Variants in IMPG1 observed in about 807,000 individuals in gnomAD.
IMPG1 encodes interphotoreceptor matrix proteoglycan 1.
IMPG1 carries 85 observed loss-of-function variants against 92.0 expected under a neutral mutation model. The ratio of observed to expected loss-of-function variants is 0.92; its 90% CI spans 0.78 to 1.11. IMPG1 has a LOEUF of 1.11. Among genes scored for constraint, IMPG1 ranks in the 50% least tolerant of loss-of-function variants. IMPG1 has a pLI of 0.00. For synonymous variants in IMPG1, 367 were observed against 334.1 expected (o/e 1.10, Z -1.08); for missense variants, 1,022 against 956.0 (o/e 1.07, Z -0.91).
Position 75,925,721 on chromosome 6 carries a change from A to T in IMPG1, c.2244-2015T>A, listed in dbSNP as rs944643110. ...CGCTCTGTCACCCAGGCTGGAGTGC[A>T]GTGGCATGATCTTGGCTCACTGCAA... On this transcript the variant is annotated intron_variant, in intron 15 of 16. Coordinates refer to ENST00000369950, the MANE Select transcript of IMPG1 (RefSeq NM_001563.4). Among the ~76,000 whole-genome samples, 5 of 152,088 alleles carry T rather than the reference A, an allele frequency of 3.3e-5. No homozygotes were observed. In the South Asian group the frequency reaches 1.0e-3, roughly 31 times the overall value.
intron 1 of IMPG1, among the ~76,000 whole-genome samples, chr6:76,049,630 C>T (rs1002660580): frequency 5.3e-5 from 8 of 152,208 alleles, no homozygotes; most frequent in Admixed American, 1.3e-4. Context: ...CTCCACTGAT[C>T]GCTTCTGTGA....
chr6:76,003,129 G>A, intron 11 of IMPG1, 133 bp from the exon 12 acceptor site: 1 of 664,980 alleles, frequency 1.5e-6, no homozygotes, highest in Non-Finnish European at 2.8e-6. Flanking sequence ...AATCTACTAT[G>A]GAGGAAGGTT....
chr6:76,029,595 C>T (rs1223529512), intron 4 of IMPG1, among the ~76,000 whole-genome samples: 1 of 152,158 alleles, frequency 6.6e-6, no homozygotes, highest in East Asian at 1.9e-4. Flanking sequence ...CAATCTCTGG[C>T]TGCAGCTCAG....
At chr6:75,938,188 C>T (rs1444943274) in intron 14 of IMPG1, among the ~76,000 whole-genome samples, 2 of 152,200 alleles carry the variant, frequency 1.3e-5, no homozygotes, top group African/African-American at 4.8e-5. Flanking sequence ...TACATGCCTG[C>T]ACCTCTGCAG....
chr6:76,070,641 GA>G (rs1173023004), intron 1 of IMPG1, among the ~76,000 whole-genome samples: 1 of 152,158 alleles, frequency 6.6e-6, no homozygotes, highest in Non-Finnish European at 1.5e-5. Context: ...CCAAAAAAAT[GA>G]ATGAAATAAT....
intron 1 of IMPG1, among the ~76,000 whole-genome samples, chr6:76,057,523 G>T (rs1281358857): frequency 6.6e-6 from 1 of 152,132 alleles, no homozygotes; most frequent in Non-Finnish European, 1.5e-5. Flanking sequence ...AAGCACCCCG[G>T]CTAGACAGCC....
intron 1 of IMPG1, among the ~76,000 whole-genome samples, chr6:76,068,140 C>T (rs1464563890): frequency 6.6e-6 from 1 of 152,144 alleles, no homozygotes; most frequent in Non-Finnish European, 1.5e-5. Context: ...GACAAGGATG[C>T]CCACTTTAAC....
chr6:76,007,594 G>A, intron 8 of IMPG1, 94 bp from the exon 9 acceptor site: 4 of 811,436 alleles, frequency 4.9e-6, no homozygotes, highest in Non-Finnish European at 7.6e-6. Flanking sequence ...ATATACAAAA[G>A]AAAAAAATAT....
chr6:75,977,075 T>A (rs1170656869), intron 12 of IMPG1, among the ~76,000 whole-genome samples: 1 of 152,100 alleles, frequency 6.6e-6, no homozygotes, highest in Non-Finnish European at 1.5e-5. Flanking sequence ...TTTAAAAAAA[T>A]TTCTTTGTAT....
intron 12 of IMPG1, among the ~76,000 whole-genome samples, chr6:75,966,370 A>G (rs1782307659): frequency 6.6e-6 from 1 of 152,224 alleles, no homozygotes; most frequent in African/African-American, 2.4e-5. Context: ...TTTAGAGATG[A>G]TTAGGCCATG....
intron 8 of IMPG1, among the ~76,000 whole-genome samples, chr6:76,008,156 A>T (rs1334916418): frequency 6.6e-6 from 1 of 152,230 alleles, no homozygotes; most frequent in Non-Finnish European, 1.5e-5. Flanking sequence ...CCAGCTTCAC[A>T]GAAAAGGGAA....
intron 12 of IMPG1, among the ~76,000 whole-genome samples, chr6:75,974,391 C>CTT (rs1185602629): frequency 3.7e-5 from 2 of 54,778 alleles, no homozygotes; most frequent in African/African-American, 6.6e-5. Flanking sequence ...TTCTTTCTTT[C>CTT]TTTTCTTTCT....
intron 12 of IMPG1, among the ~76,000 whole-genome samples, chr6:75,985,295 T>C (rs1289144181): frequency 6.6e-6 from 1 of 152,190 alleles, no homozygotes; most frequent in African/African-American, 2.4e-5. Flanking sequence ...GACTTTAAAA[T>C]GCTGCCCCTG....
intron 15 of IMPG1, among the ~76,000 whole-genome samples, chr6:75,924,568 T>TATATAATTAATATAATTATATATA (rs1562334762): frequency 1.7e-4 from 7 of 40,354 alleles, no homozygotes; most frequent in African/African-American, 5.8e-4. Context: ...AATTATATAT[T>TATATAATTAATATAATTATATATA]ATATATAATT....
intron 12 of IMPG1, among the ~76,000 whole-genome samples, chr6:75,966,785 C>T (rs1042746404): frequency 6.6e-6 from 1 of 152,172 alleles, no homozygotes; most frequent in Non-Finnish European, 1.5e-5. Flanking sequence ...AGAAAGCCTA[C>T]ATTTATGTAA....
intron 1 of IMPG1, among the ~76,000 whole-genome samples, chr6:76,061,309 C>G (rs1784201354): frequency 6.6e-6 from 1 of 152,198 alleles, no homozygotes; most frequent in Admixed American, 6.5e-5. Context: ...CTCTTAGACA[C>G]AGTTGAACAA....
intron 12 of IMPG1, among the ~76,000 whole-genome samples, chr6:75,996,518 T>C (rs1267297785): frequency 6.6e-6 from 1 of 152,116 alleles, no homozygotes; most frequent in Non-Finnish European, 1.5e-5. Context: ...TGGAAAGAGA[T>C]TAAACAGATC....
chr6:75,952,939 C>T (rs1782058713), intron 12 of IMPG1, among the ~76,000 whole-genome samples: 1 of 152,188 alleles, frequency 6.6e-6, no homozygotes, highest in African/African-American at 2.4e-5. Context: ...TTGTTTAAGA[C>T]ATCCAGTCCA....
intron 7 of IMPG1, among the ~76,000 whole-genome samples, chr6:76,015,289 G>A (rs1288355910): frequency 6.6e-6 from 1 of 152,166 alleles, no homozygotes. Context: ...GGCTGTGGTG[G>A]GGCTGATTAG....
Sources: allele counts gnomAD v4.1 joint callset (sites outside exome capture counted in the v4.1 genomes callset), GRCh38; gene constraint gnomAD v4.1.1; transcripts MANE v1.5; gene names NCBI Gene and HGNC (gene_info 2026-07-23, HGNC 2026-07-21).